Variants in CNOT4 observed in about 807,000 individuals in gnomAD.
CNOT4 encodes CCR4-NOT transcription complex subunit 4, also known as CCR4-associated factor 4.
CNOT4 carries 8 observed loss-of-function variants against 73.8 expected under a neutral mutation model. The ratio of observed to expected loss-of-function variants is 0.11; its 90% CI spans 0.06 to 0.20. The LOEUF (loss-of-function observed/expected upper bound fraction) is 0.20. Among genes scored for constraint, CNOT4 ranks in the 10% least tolerant of loss-of-function variants. The probability of loss-of-function intolerance (pLI) is 1.00; values close to 1 mark genes in which losing one functional copy is unlikely to be tolerated. For synonymous variants in CNOT4, 293 were observed against 321.1 expected, an observed-to-expected ratio of 0.91 and a Z score of 0.94; for missense variants, 564 against 883.4, an observed-to-expected ratio of 0.64 and a Z score of 4.58.
intron 8 of CNOT4, among the ~76,000 whole-genome samples, 159 bp from the exon 9 acceptor site, chr7:135,396,042 C>A (rs1173269471): frequency 6.7e-6 from 1 of 149,424 alleles, no homozygotes; most frequent in Non-Finnish European, 1.5e-5. Context: ...TCAATTAAAT[C>A]ATTAACTTAC....
At chr7:135,506,467 T>C (rs552329540) in intron 1 of CNOT4, among the ~76,000 whole-genome samples, 34 of 152,346 alleles carry the variant, frequency 2.2e-4, no homozygotes, top group African/African-American at 7.9e-4. Flanking sequence ...TTTTCACAAA[T>C]TAAAACCATT....
chr7:135,435,018 G>A (rs972358159), intron 2 of CNOT4, among the ~76,000 whole-genome samples: 5 of 152,022 alleles, frequency 3.3e-5, no homozygotes, highest in East Asian at 1.9e-4. Context: ...TCAAAGTTAC[G>A]TTCCCTCAAA....
chr7:135,378,048 A>G (rs1273129668), intron 10 of CNOT4, among the ~76,000 whole-genome samples: 1 of 152,234 alleles, frequency 6.6e-6, no homozygotes, highest in East Asian at 1.9e-4. Context: ...GACTTTTTAT[A>G]GGAGCTAGAA....
In CNOT4 at chr7:135,506,802, C is replaced by G. The variant is rs189670141; in HGVS notation, c.-93+3087G>C. ...GGCAGAGGTTGCAGTGAGCCAAGAT[C>G]GCACCACTGCACTCCAGCCTGAGTG... On this transcript the variant is annotated intron_variant, in intron 1 of 11. Transcript: ENST00000541284. 5.3e-3 allele frequency among the ~76,000 whole-genome samples: 802 copies of G among 150,944 alleles called. 4 individuals carry two copies. The highest frequency in any genetic ancestry group is 0.018 in the African/African-American group (757 of 41,134).
At chr7:135,424,228 TCAAAACTTCCTTCTC>T (rs928013492) in intron 2 of CNOT4, among the ~76,000 whole-genome samples, 1 of 152,164 alleles carries the variant, frequency 6.6e-6, no homozygotes, top group Admixed American at 6.5e-5. Context: ...TGCCTTCCTC[TCAAAACTTCCTTCTC>T]CACTTACTTT....
At chr7:135,401,586 T>TA (rs1036398942) in intron 7 of CNOT4, among the ~76,000 whole-genome samples, 7 of 152,228 alleles carry the variant, frequency 4.6e-5, no homozygotes, top group South Asian at 2.1e-4. Context: ...AGATTTTTTT[T>TA]AAAAAAACCA....
chr7:135,395,664 C>T lies in CNOT4; in HGVS notation c.1099G>A (p.Ala367Thr), dbSNP rs1440175504. The stretch of plus-strand genomic sequence containing the variant: ...GTGAAGAGGCTCTGTGGTTCTGGTG[C>T]TGTAGGCCAGTCACTGGATGTCTGT... ...SPQTSSDWPT[A>T]PEPQSLFTSE... Residue 367 changes from alanine to threonine, a missense_variant, in exon 9 of 12, where the codon GCA (alanine) becomes ACA (threonine). Around this residue, in one of 10 missense-constraint regions of CNOT4, gnomAD observed 135 missense variants for 154.0 expected, o/e 0.88. Transcript: ENST00000541284. 36 of 1,613,866 alleles carry T rather than the reference C, an allele frequency of 2.2e-5. No homozygotes were observed. Among genetic ancestry groups the T allele is most frequent in the Non-Finnish European group, 2.8e-5 (33 of 1,179,934 alleles).
intron 3 of CNOT4, among the ~76,000 whole-genome samples, chr7:135,421,032 CTT>C (rs1798161594): frequency 6.6e-6 from 1 of 152,148 alleles, no homozygotes; most frequent in South Asian, 2.1e-4. Flanking sequence ...CATAGTAACT[CTT>C]GAGTTGCCTC....
chr7:135,469,849 T>A (rs186992141), intron 1 of CNOT4, among the ~76,000 whole-genome samples: 1 of 152,094 alleles, frequency 6.6e-6, no homozygotes, highest in Non-Finnish European at 1.5e-5. Context: ...TGAGATGGAG[T>A]CTTGATCTGT....
chr7:135,463,557 A>C (rs1801016839), intron 1 of CNOT4, among the ~76,000 whole-genome samples: 1 of 17,672 alleles, frequency 5.7e-5, no homozygotes, highest in Non-Finnish European at 9.6e-5. Context: ...AAAAAAAAAA[A>C]AAAACCAACC....
intron 1 of CNOT4, among the ~76,000 whole-genome samples, chr7:135,496,631 C>CCG (rs200300824): frequency 2.0e-5 from 3 of 148,574 alleles, no homozygotes; most frequent in Non-Finnish European, 3.0e-5. Flanking sequence ...TCTTCCTATT[C>CCG]CTCTCTCTCT....
chr7:135,505,512 G>A (rs961222276), intron 1 of CNOT4, among the ~76,000 whole-genome samples: 1 of 152,096 alleles, frequency 6.6e-6, no homozygotes, highest in East Asian at 1.9e-4. Context: ...AGATCGTGCA[G>A]CTACACTCCA....
At chr7:135,403,658 C>T (rs538662279) in intron 7 of CNOT4, among the ~76,000 whole-genome samples, 4 of 151,930 alleles carry the variant, frequency 2.6e-5, no homozygotes, top group Non-Finnish European at 5.9e-5. Context: ...AAACCTAGAA[C>T]GATTGTAGTT....
intron 1 of CNOT4, among the ~76,000 whole-genome samples, chr7:135,446,370 T>C (rs531416276): frequency 6.6e-6 from 1 of 152,324 alleles, no homozygotes; most frequent in African/African-American, 2.4e-5. Context: ...GTGAATGTAC[T>C]TAATGCCACT....
chr7:135,383,929 C>T (rs1585561889), intron 10 of CNOT4, among the ~76,000 whole-genome samples: 1 of 151,970 alleles, frequency 6.6e-6, no homozygotes, highest in Admixed American at 6.5e-5. Flanking sequence ...TGTCTTTTTC[C>T]CCTTTTAACC....
intron 1 of CNOT4, among the ~76,000 whole-genome samples, chr7:135,499,877 C>T (rs938956923): frequency 6.6e-6 from 1 of 152,008 alleles, no homozygotes; most frequent in African/African-American, 2.4e-5. Context: ...TTAAAACAAA[C>T]CCCCCAAGGA....
At chr7:135,507,020 G>T (rs895629422) in intron 1 of CNOT4, among the ~76,000 whole-genome samples, 9 of 152,080 alleles carry the variant, frequency 5.9e-5, no homozygotes, top group African/African-American at 1.9e-4. Flanking sequence ...AAACTGATAA[G>T]ATATTTTTTC....
intron 1 of CNOT4, among the ~76,000 whole-genome samples, chr7:135,480,445 C>T (rs369941619): frequency 6.6e-6 from 1 of 152,212 alleles, no homozygotes; most frequent in Admixed American, 6.5e-5. Flanking sequence ...ACCATAATTT[C>T]TCTCATCTAC....
chr7:135,507,895 T>C (rs1804479412), intron 1 of CNOT4, among the ~76,000 whole-genome samples: 1 of 152,228 alleles, frequency 6.6e-6, no homozygotes, highest in Non-Finnish European at 1.5e-5. Context: ...AAGTTTGCTA[T>C]ATAAATTGCT....
Sources: gnomAD v4.1 joint callset for allele counts (sites outside exome capture counted in the v4.1 genomes callset) on GRCh38, gnomAD v4.1.1 for gene constraint, gnomAD v4.1.1 regional missense constraint, MANE v1.5 for transcripts, NCBI Gene and HGNC (gene_info 2026-07-23, HGNC 2026-07-21) for gene names.